The following C11orf97 variants were observed in gnomAD, a reference collection of about 807,000 sequenced individuals.
C11orf97 encodes chromosome 11 open reading frame 97.
A neutral mutation model predicts 16.2 loss-of-function variants in C11orf97; 15 were observed. The ratio of observed to expected loss-of-function variants is 0.93; its 90% CI spans 0.62 to 1.43. The LOEUF (loss-of-function observed/expected upper bound fraction) is 1.43, where lower values mean the gene tolerates loss of function less well. C11orf97 is among the 40% of genes most tolerant of loss of function. The pLI is 0.00. For missense variants in C11orf97, 171 were observed against 161.2 expected, an observed-to-expected ratio of 1.06 and a Z score of -0.33; for synonymous variants, 61 against 65.7, an observed-to-expected ratio of 0.93 and a Z score of 0.34.
chr11:94,522,320 G>T (rs1235210604), intron 2 of C11orf97, among the ~76,000 whole-genome samples: 1 of 152,164 alleles, frequency 6.6e-6, no homozygotes, highest in Non-Finnish European at 1.5e-5. Context: ...CGTATCACGA[G>T]GTCAGGAGAT....
intron 2 of C11orf97, among the ~76,000 whole-genome samples, chr11:94,523,151 G>A (rs1008106388): frequency 6.6e-6 from 1 of 152,102 alleles, no homozygotes; most frequent in African/African-American, 2.4e-5. Flanking sequence ...AGAAAGACTG[G>A]GAGAACCAAT....
intron 1 of C11orf97, 72 bp from the exon 2 acceptor site, chr11:94,517,511 C>A: frequency 1.2e-6 from 1 of 823,922 alleles, no homozygotes; most frequent in Non-Finnish European, 1.8e-6. Context: ...AAATTGTTAT[C>A]ATGTAGATAT....
At chr11:94,522,419 G>A (rs1000460869) in intron 2 of C11orf97, among the ~76,000 whole-genome samples, 1 of 152,032 alleles carries the variant, frequency 6.6e-6, no homozygotes, top group Non-Finnish European at 1.5e-5. Context: ...TGCCTGTAGT[G>A]CCAGCTACTC....
At chr11:94,527,980 C>A in intron 2 of C11orf97, 104 bp from the exon 3 acceptor site, 1 of 1,121,516 alleles carries the variant, frequency 8.9e-7, no homozygotes. Flanking sequence ...AAATAAACCC[C>A]CACCCAAATA....
At chr11:94,524,966 G>A (rs998756411) in intron 2 of C11orf97, among the ~76,000 whole-genome samples, 1 of 151,662 alleles carries the variant, frequency 6.6e-6, no homozygotes, top group Non-Finnish European at 1.5e-5. Flanking sequence ...GGCTGAGGCA[G>A]GAGAATTGCT....
chr11:94,521,626 C>A (rs1947658333), intron 2 of C11orf97, among the ~76,000 whole-genome samples: 1 of 152,178 alleles, frequency 6.6e-6, no homozygotes, highest in African/African-American at 2.4e-5. Flanking sequence ...CTATCTCTCC[C>A]ACTAGAACAC....
At chr11:94,530,318 T>A (rs1372390434) in intron 3 of C11orf97, among the ~76,000 whole-genome samples, 1 of 152,238 alleles carries the variant, frequency 6.6e-6, no homozygotes, top group Non-Finnish European at 1.5e-5. Flanking sequence ...TAGCTTCATC[T>A]CTTTAGGTTG....
intron 2 of C11orf97, among the ~76,000 whole-genome samples, chr11:94,520,907 C>A (rs1036338325): frequency 6.6e-6 from 1 of 152,144 alleles, no homozygotes; most frequent in African/African-American, 2.4e-5. Context: ...TGTCTGATGG[C>A]TTTTTATTAT....
chr11:94,523,610 T>C (rs887221614), intron 2 of C11orf97, among the ~76,000 whole-genome samples: 4 of 152,226 alleles, frequency 2.6e-5, no homozygotes, highest in Non-Finnish European at 5.9e-5. Context: ...CCTGAAGCTG[T>C]GGGGTCATTT....
At chr11:94,522,878 G>A (rs2135181754) in intron 2 of C11orf97, among the ~76,000 whole-genome samples, 1 of 152,264 alleles carries the variant, frequency 6.6e-6, no homozygotes, top group South Asian at 2.1e-4. Flanking sequence ...TTCTTGAGCA[G>A]GGATGGAGCA....
rs925890248 is a variant in C11orf97, at chr11:94,528,218, C to T, written c.376+9C>T. ...GCACGGAGGACTCAGAAGTAAGACC[C>T]TGATGCCCTTGACTTCCACTGAAGC... On this transcript the variant is annotated intron_variant, in intron 3 of 3. Coordinates refer to ENST00000542198, the MANE Select transcript of C11orf97 (RefSeq NM_001190462.2). The T allele has an allele frequency of 3.3e-6, 5 of 1,529,074 alleles. No homozygotes were observed. Among genetic ancestry groups the T allele is most frequent in the Non-Finnish European group, 4.4e-6 (5 of 1,144,576 alleles). The allele number at this position is 1,529,074 out of a possible 1,614,324, so 94.7% of individuals were successfully genotyped here. A position where few individuals can be genotyped will look rare whatever the true frequency, so the allele number is the denominator to read the frequency against.
chr11:94,512,804 T>C (rs1591744162), intron 1 of C11orf97, 131 bp downstream of exon 1: 2 of 1,008,906 alleles, frequency 2.0e-6, no homozygotes, highest in Middle Eastern at 3.6e-4. Flanking sequence ...CTGCTGCTTT[T>C]GGCAGAACCA....
At chr11:94,516,215 G>A (rs1050944488) in intron 1 of C11orf97, among the ~76,000 whole-genome samples, 4 of 152,106 alleles carry the variant, frequency 2.6e-5, no homozygotes, top group South Asian at 2.1e-4. Context: ...CTGCATCCCC[G>A]TCAAATTGAC....
chr11:94,514,640 CTTTTTTTT>C (rs10562282), intron 1 of C11orf97, among the ~76,000 whole-genome samples: 2 of 82,468 alleles, frequency 2.4e-5, no homozygotes, highest in African/African-American at 4.7e-5. Flanking sequence ...TTATTTTTGC[CTTTTTTTT>C]TTTTTTTTTT....
chr11:94,519,488 AC>A (rs956039263), intron 2 of C11orf97, among the ~76,000 whole-genome samples: 1 of 152,234 alleles, frequency 6.6e-6, no homozygotes, highest in Non-Finnish European at 1.5e-5. Context: ...TTAAAAATCT[AC>A]ATAAAAGCTA....
intron 1 of C11orf97, among the ~76,000 whole-genome samples, chr11:94,515,749 T>A (rs545816144): frequency 1.4e-3 from 217 of 151,818 alleles, no homozygotes; most frequent in Non-Finnish European, 2.8e-3. Context: ...CCCTCTCCCC[T>A]CCTTTCCTTT....
chr11:94,514,495 T>C (rs1947594665), intron 1 of C11orf97, among the ~76,000 whole-genome samples: 3 of 152,218 alleles, frequency 2.0e-5, no homozygotes, highest in African/African-American at 7.2e-5. Flanking sequence ...CTATTCCCTA[T>C]ATTCCCTAAT....
intron 2 of C11orf97, among the ~76,000 whole-genome samples, chr11:94,522,764 T>A (rs1947669310): frequency 6.6e-6 from 1 of 152,232 alleles, no homozygotes; most frequent in East Asian, 1.9e-4. Context: ...AGGTTCACCT[T>A]GCAGACATAT....
chr11:94,517,777 T>C (rs1463195707), intron 2 of C11orf97, 90 bp downstream of exon 2: 2 of 889,330 alleles, frequency 2.2e-6, no homozygotes, highest in East Asian at 3.0e-5. Context: ...AACCATACTA[T>C]TGAAATAAAA....
Sources: gnomAD v4.1 joint callset for allele counts (sites outside exome capture counted in the v4.1 genomes callset) on GRCh38, gnomAD v4.1.1 for gene constraint, MANE v1.5 for transcripts, NCBI Gene and HGNC (gene_info 2026-07-23, HGNC 2026-07-21) for gene names.